NCOA1: variants seen among roughly 807,000 people sequenced by gnomAD.
NCOA1 encodes the protein Hin-2 protein.
NCOA1 carries 35 observed loss-of-function variants against 150.9 expected under a neutral mutation model. The observed-to-expected ratio is 0.23, with a 90% CI of 0.18 to 0.31. The LOEUF is 0.31. Among genes scored for constraint, NCOA1 ranks in the 10% least tolerant of loss-of-function variants. The pLI is 1.00. For missense variants in NCOA1, 1,491 were observed against 1,749.3 expected (o/e 0.85, Z 2.63); for synonymous variants, 590 against 630.0 (o/e 0.94, Z 0.95).
intron 5 of NCOA1, among the ~76,000 whole-genome samples, chr2:24,664,796 T>C (rs1406201333): frequency 6.6e-6 from 1 of 152,228 alleles, no homozygotes; most frequent in Non-Finnish European, 1.5e-5. Context: ...CCCTCTTCTG[T>C]CCTCTTTTTT....
intron 3 of NCOA1, among the ~76,000 whole-genome samples, chr2:24,629,813 CATACATATATATATAT>C (rs1417961154): frequency 7.9e-4 from 61 of 77,342 alleles, no homozygotes; most frequent in African/African-American, 1.9e-3. Flanking sequence ...AAGTAACATA[CATACATATATATATAT>C]ATATATATAT....
intron 2 of NCOA1, among the ~76,000 whole-genome samples, chr2:24,566,262 A>G (rs1666501209): frequency 6.6e-6 from 1 of 152,156 alleles, no homozygotes; most frequent in South Asian, 2.1e-4. Flanking sequence ...CTCAGCTTTC[A>G]GCAGAGAGGA....
At chr2:24,637,633 T>G (rs1172200918) in intron 3 of NCOA1, among the ~76,000 whole-genome samples, 1 of 152,020 alleles carries the variant, frequency 6.6e-6, no homozygotes, top group Non-Finnish European at 1.5e-5. Flanking sequence ...TTGCAAGCAT[T>G]CATTACCTTC....
At chr2:24,495,727 A>T (rs558878838) in intron 1 of NCOA1, among the ~76,000 whole-genome samples, 4 of 152,354 alleles carry the variant, frequency 2.6e-5, no homozygotes, top group African/African-American at 7.2e-5. Flanking sequence ...TTTAGAAAAG[A>T]AACTCTGACC....
intron 1 of NCOA1, among the ~76,000 whole-genome samples, chr2:24,557,540 CCTT>C (rs1267310639): frequency 6.6e-6 from 1 of 151,648 alleles, no homozygotes; most frequent in Non-Finnish European, 1.5e-5. Context: ...TCTTCTTCCT[CCTT>C]CTCCCCTCCC....
intron 11 of NCOA1, among the ~76,000 whole-genome samples, chr2:24,698,829 T>G (rs544034422): frequency 6.6e-6 from 1 of 152,318 alleles, no homozygotes; most frequent in East Asian, 1.9e-4. Context: ...TCATTACATT[T>G]TAGGTCAACT....
chr2:24,588,832 A>G (rs1667524142), intron 3 of NCOA1, among the ~76,000 whole-genome samples: 1 of 152,204 alleles, frequency 6.6e-6, no homozygotes, highest in Non-Finnish European at 1.5e-5. Flanking sequence ...ATTCTCAGAT[A>G]TAATAATCAT....
chr2:24,521,864 C>T (rs1400099140), intron 1 of NCOA1, among the ~76,000 whole-genome samples: 1 of 152,074 alleles, frequency 6.6e-6, no homozygotes. Context: ...ATAAGGTTTC[C>T]CTTTGCTCCA....
At chr2:24,705,004 T>G in intron 11 of NCOA1, 82 bp from the exon 12 acceptor site, 1 of 1,456,954 alleles carries the variant, frequency 6.9e-7, no homozygotes, top group Non-Finnish European at 9.4e-7. Context: ...AATGAGGTTC[T>G]AAGTAGAAAT....
intron 1 of NCOA1, among the ~76,000 whole-genome samples, chr2:24,516,186 CTTTTT>C (rs755818385): frequency 2.2e-5 from 2 of 92,984 alleles, no homozygotes; most frequent in Admixed American, 1.4e-4. Context: ...TAGGTTTTGC[CTTTTT>C]TTTTTTTTTT....
intron 14 of NCOA1, among the ~76,000 whole-genome samples, chr2:24,716,335 G>C (rs978205325): frequency 4.0e-5 from 6 of 151,866 alleles, no homozygotes; most frequent in African/African-American, 1.4e-4. Context: ...AAGATGGTGT[G>C]GTTTTGGAAT....
intron 21 of NCOA1, among the ~76,000 whole-genome samples, chr2:24,761,512 C>T (rs1664794192): frequency 6.6e-6 from 1 of 152,146 alleles, no homozygotes; most frequent in South Asian, 2.1e-4. Context: ...AGCCTTTCCT[C>T]TTATTTCTTA....
intron 1 of NCOA1, among the ~76,000 whole-genome samples, chr2:24,537,801 ATC>A (rs1337094123): frequency 1.3e-5 from 2 of 151,230 alleles, no homozygotes; most frequent in Non-Finnish European, 1.5e-5. Context: ...TCATGTTTCT[ATC>A]TATCTATATA....
intron 20 of NCOA1, 57 bp from the exon 21 acceptor site, chr2:24,757,916 A>G: frequency 6.5e-7 from 1 of 1,547,212 alleles, no homozygotes; most frequent in Non-Finnish European, 8.9e-7. Flanking sequence ...GAATCTAGTC[A>G]TATATCCCCT....
rs56210877 is a variant in NCOA1, at chr2:24,701,849, A to G, written c.950-3237A>G. Among the ~76,000 whole-genome samples, 324 of 152,324 alleles carry G rather than the reference A, an allele frequency of 2.1e-3. 2 individuals are homozygous for G. The highest frequency in any genetic ancestry group is 7.6e-3 in the African/African-American group (314 of 41,580). On this transcript the variant is annotated intron_variant, in intron 11 of 22. Transcript: ENST00000348332. ...AACATGGCGAAACCCTGTCCTATTAAAAATACAAAAATTAGCCAGGCGTGG... is the reference window on the plus strand; with the variant it reads ...AACATGGCGAAACCCTGTCCTATTAGAAATACAAAAATTAGCCAGGCGTGG...
At chr2:24,708,029 T>C (rs560223403) in intron 13 of NCOA1, 141 bp downstream of exon 13, 41 of 1,068,650 alleles carry the variant, frequency 3.8e-5, no homozygotes, top group Non-Finnish European at 4.9e-5. Flanking sequence ...TTAGTATCAA[T>C]AACTGATCAC....
intron 1 of NCOA1, among the ~76,000 whole-genome samples, chr2:24,512,661 T>C (rs1663982945): frequency 6.6e-6 from 1 of 152,200 alleles, no homozygotes; most frequent in Admixed American, 6.5e-5. Context: ...TTGTTTTTCC[T>C]TTTCATATAA....
intron 2 of NCOA1, among the ~76,000 whole-genome samples, chr2:24,583,760 A>C (rs55853287): frequency 2.9e-4 from 44 of 152,146 alleles, no homozygotes; most frequent in Non-Finnish European, 6.2e-4. Flanking sequence ...ATGAACCTGG[A>C]GGACTGTATA....
At chr2:24,580,704 A>G (rs1667159701) in intron 2 of NCOA1, among the ~76,000 whole-genome samples, 1 of 151,980 alleles carries the variant, frequency 6.6e-6, no homozygotes, top group Non-Finnish European at 1.5e-5. Flanking sequence ...TATGTCTGTA[A>G]TGGCTCCTTG....
Sources: allele counts gnomAD v4.1 joint callset (sites outside exome capture counted in the v4.1 genomes callset), GRCh38; gene constraint gnomAD v4.1.1; transcripts MANE v1.5; gene names NCBI Gene and HGNC (gene_info 2026-07-23, HGNC 2026-07-21).